Variants in DENND3 observed in about 807,000 individuals in gnomAD.
DENND3 encodes the protein DENN domain containing 3.
DENND3 carries 88 observed loss-of-function variants against 135.1 expected under a neutral mutation model. The ratio of observed to expected loss-of-function variants is 0.65; its 90% CI spans 0.55 to 0.78. DENND3 has a LOEUF of 0.78. Ranked by LOEUF, DENND3 falls within the 30% of genes least tolerant of loss-of-function variation. The pLI is 0.00. For synonymous variants in DENND3, 693 were observed against 712.3 expected, an observed-to-expected ratio of 0.97 and a Z score of 0.43; for missense variants, 1,392 against 1,688.4, an observed-to-expected ratio of 0.82 and a Z score of 3.08.
At chr8:141,189,242 C>A in intron 19 of DENND3, 96 bp downstream of exon 19, 1 of 1,519,862 alleles carries the variant, frequency 6.6e-7, no homozygotes, top group Non-Finnish European at 9.0e-7. Context: ...CCCACAGGGG[C>A]CAGGCGGGGC....
At position 141,128,636 on chromosome 8, in the gene DENND3, C is replaced by T; in HGVS notation, c.-72C>T. 9.8e-7 allele frequency: 1 copy of T among 1,021,900 alleles called. No individual in the cohort carries two copies. Among genetic ancestry groups the T allele is most frequent in the Non-Finnish European group, 1.3e-6 (1 of 797,836 alleles). 63.3% of individuals were successfully genotyped at this position (1,021,900 alleles called of 1,614,324 possible). ...CCGGCCCCCAGGCGGCGCGGCTGGT[C>T]CCCAGGGGTCTGCGGGCGACTGCGC... is the stretch of plus-strand genomic sequence containing the variant. On this transcript the variant is annotated 5_prime_UTR_variant, in exon 1 of 23. Transcript: ENST00000519811. The surrounding 1 kb of genome is among the most constrained non-coding windows in gnomAD (Gnocchi z 4.5).
In DENND3 at chr8:141,175,286, C is replaced by T. The variant is rs142301665; in HGVS notation, c.2362C>T (p.Leu788=). ...GGAAGCAGAAGCCCAGGAGGTCAGT[C>T]TGCCGTGGCTGGTGATGGAACACCT... ...ETEAEAQEVS[L]PWLVMEHLDK... is the part of the protein sequence containing the mutation. Residue 788 remains leucine (L), a synonymous_variant, in exon 14 of 23, where the codon CTG becomes TTG. Coordinates refer to ENST00000519811, the MANE Select transcript of DENND3 (RefSeq NM_001352890.3). This position sits in a 1 kb window ranked among gnomAD's most constrained non-coding sequence, Gnocchi z 5.4. 4 of 1,614,234 alleles carry T rather than the reference C, an allele frequency of 2.5e-6. No individual in the cohort carries two copies. Among genetic ancestry groups the T allele is most frequent in the South Asian group, 2.2e-5 (2 of 91,082 alleles).
intron 16 of DENND3, 113 bp downstream of exon 16, chr8:141,178,309 T>C: frequency 7.0e-7 from 1 of 1,432,714 alleles, no homozygotes; most frequent in South Asian, 1.5e-5. Context: ...TCCCCCAGTT[T>C]TTTCTTTTAT....
At chr8:141,159,896 G>A (rs569459734) in intron 8 of DENND3, among the ~76,000 whole-genome samples, 2 of 152,310 alleles carry the variant, frequency 1.3e-5, no homozygotes, top group South Asian at 2.1e-4. Context: ...CACCCGGGAC[G>A]TTTGTTGCAG....
chr8:141,141,404 C>A lies in DENND3; in HGVS notation c.623+80C>A. Reference sequence around the variant, plus strand: ...CCAGGTGAGCCAAGGGACCAGGGGGCTGGAGGTGGTGGGGGGGCAGCTCTC... The same window carrying A: ...CCAGGTGAGCCAAGGGACCAGGGGGATGGAGGTGGTGGGGGGGCAGCTCTC... On this transcript the variant is annotated intron_variant, in intron 4 of 22. Transcript: ENST00000519811. This position sits in a 1 kb window ranked among gnomAD's most constrained non-coding sequence, Gnocchi z 5.3. 2.4e-6 allele frequency: 3 copies of A among 1,246,816 alleles called. No homozygotes were observed. Among genetic ancestry groups the A allele is most frequent in the South Asian group, 1.9e-5 (1 of 52,224 alleles). 77.2% of individuals were successfully genotyped at this position (1,246,816 alleles called of 1,614,324 possible).
intron 13 of DENND3, chr8:141,173,456 C>G (rs1205709811): frequency 6.6e-6 from 1 of 152,224 alleles, no homozygotes; most frequent in Non-Finnish European, 1.5e-5. Context: ...CCTGCAGGGC[C>G]GGCAGTGCCT....
At position 141,180,257 on chromosome 8, in the gene DENND3, G is replaced by C. The variant is rs7817876; in HGVS notation, c.2837-490G>C. Among the ~76,000 whole-genome samples the C allele has an allele frequency of 3.9e-5, 6 of 152,278 alleles. No homozygotes were observed. The East Asian group carries it at 9.7e-4, about 24-fold the overall frequency. Reference sequence around the variant, plus strand: ...ATGGCACACAGGATGCTGGGCATTCGCCCACAGCCAGGATTATCCAGCCCA... The same window carrying C: ...ATGGCACACAGGATGCTGGGCATTCCCCCACAGCCAGGATTATCCAGCCCA... On this transcript the variant is annotated intron_variant, in intron 16 of 22. Transcript: ENST00000519811.
chr8:141,191,982 A>T, intron 20 of DENND3: 1 of 190,056 alleles, frequency 5.3e-6, no homozygotes, highest in African/African-American at 2.3e-5. Context: ...ATACTGCTTC[A>T]TGGATAGGGT....
In DENND3 at chr8:141,175,884, AAACAT is replaced by A. The variant is rs1355758690; in HGVS notation, c.2535+430_2535+434del. 1 of 229,232 alleles carries A rather than the reference AAACAT, an allele frequency of 4.4e-6. No individual in the cohort carries two copies. The highest frequency in any genetic ancestry group is 1.2e-4 in the East Asian group (1 of 8,688). The allele number at this position is 229,232 out of a possible 1,614,324, so 14.2% of individuals were successfully genotyped here. On this transcript the variant is annotated intron_variant, in intron 14 of 22. Coordinates refer to ENST00000519811, the MANE Select transcript of DENND3 (RefSeq NM_001352890.3). This position sits in a 1 kb window ranked among gnomAD's most constrained non-coding sequence, Gnocchi z 5.4. The stretch of plus-strand genomic sequence containing the variant: ...GTCACAGTCGGACCTGGTTCATATA[AAACAT>A]AACAAGCTTATTTTATAACAATTAA...
Position 141,160,803 on chromosome 8 carries a change from T to C in DENND3, c.1352+16T>C. 6.2e-7 allele frequency: 1 copy of C among 1,600,638 alleles called. No individual in the cohort carries two copies. The highest frequency in any genetic ancestry group is 8.5e-7 in the Non-Finnish European group (1 of 1,169,778). On this transcript the variant is annotated intron_variant, in intron 9 of 22. Transcript: ENST00000519811. Reference sequence around the variant, plus strand: ...GCATCTTCAGGTACGTGAGAGAACATTCCCAGTGTCCATGAGGAGGTAACC... The same window carrying C: ...GCATCTTCAGGTACGTGAGAGAACACTCCCAGTGTCCATGAGGAGGTAACC...
At chr8:141,151,451 CTTGGGAGGCCAAG>C (rs149543188) in intron 6 of DENND3, among the ~76,000 whole-genome samples, 155 bp from the exon 7 acceptor site, 21,612 of 152,020 alleles carry the variant, frequency 0.14, 2,004 homozygotes, top group East Asian at 0.48. Flanking sequence ...GTCCCATCTG[CTTGGGAGGCCAAG>C]GTGGGAGGAT....
chr8:141,186,394 C>T (rs1206744576), intron 18 of DENND3, among the ~76,000 whole-genome samples: 1 of 152,238 alleles, frequency 6.6e-6, no homozygotes, highest in Non-Finnish European at 1.5e-5. Context: ...ACTCGTCACA[C>T]ATTATTCCTC....
In DENND3 at chr8:141,166,048, A is replaced by G. The variant is rs1172619137; in HGVS notation, c.1554-142A>G. On this transcript the variant is annotated intron_variant, in intron 11 of 22. Coordinates refer to ENST00000519811, the MANE Select transcript of DENND3 (RefSeq NM_001352890.3). The surrounding 1 kb of genome is among the most constrained non-coding windows in gnomAD (Gnocchi z 4.3). ...GGCTGCACTTGGTGAGATTTGGGCA[A>G]CATGTTCTTACCAGTCTGTTTTCCA... The G allele has an allele frequency of 9.2e-6, 8 of 869,192 alleles. No homozygotes were observed. The highest frequency in any genetic ancestry group is 1.7e-5 in the African/African-American group (1 of 59,658). The allele number at this position is 869,192 out of a possible 1,614,324, so 53.8% of individuals were successfully genotyped here.
chr8:141,193,053 T>C (rs1029596157), intron 22 of DENND3: 18 of 447,730 alleles, frequency 4.0e-5, no homozygotes, highest in Non-Finnish European at 6.3e-5. Flanking sequence ...GTCCTTGGCG[T>C]GCCCTGGCTG....
rs772459587 is a variant in DENND3, at chr8:141,168,018, C to G, written c.1768C>G (p.Pro590Ala). Reference sequence around the variant, plus strand: ...GAATGTTTTAGTTCTGAATGTCACGCCGAAGTCCCCGTATACATTCAAGAT... The same window carrying G: ...GAATGTTTTAGTTCTGAATGTCACGGCGAAGTCCCCGTATACATTCAAGAT... Reference protein sequence around the residue: ...RGSSAVLNVTPKSPYTFKIPE... With the variant: ...RGSSAVLNVTAKSPYTFKIPE... The change falls in exon 13 of 23, where the codon CCG becomes GCG. Residue 590 changes from proline to alanine, a missense_variant. Coordinates refer to ENST00000519811, the MANE Select transcript of DENND3 (RefSeq NM_001352890.3). The surrounding 1 kb of genome is among the most constrained non-coding windows in gnomAD (Gnocchi z 6.2). 1 of 1,608,786 alleles carries G rather than the reference C, an allele frequency of 6.2e-7. No individual in the cohort carries two copies. Among genetic ancestry groups the G allele is most frequent in the Non-Finnish European group, 8.5e-7 (1 of 1,176,152 alleles).
At position 141,174,455 on chromosome 8, in the gene DENND3, G is replaced by A. The variant is rs979573591; in HGVS notation, c.2276-745G>A. On this transcript the variant is annotated intron_variant, in intron 13 of 22. Transcript: ENST00000519811. The surrounding 1 kb of genome is among the most constrained non-coding windows in gnomAD (Gnocchi z 4.6). ...GGCAGGCTAGGGGCTTGAGTTGGCA[G>A]GACCTGCCGGCAGGGACTTGGGATT... 4.6e-5 allele frequency among the ~76,000 whole-genome samples: 7 copies of A among 152,156 alleles called. No individual in the cohort carries two copies. The highest frequency in any genetic ancestry group is 3.9e-4 in the Admixed American group (6 of 15,288).
At chr8:141,157,246 G>T (rs914358637) in intron 8 of DENND3, 13 of 955,618 alleles carry the variant, frequency 1.4e-5, no homozygotes, top group Non-Finnish European at 1.6e-5. Context: ...CAAAGGCTTG[G>T]CAGGGACTTT....
chr8:141,165,114 G>C, intron 10 of DENND3, 72 bp from the exon 11 acceptor site: 1 of 1,162,426 alleles, frequency 8.6e-7, no homozygotes, highest in Non-Finnish European at 1.3e-6. Flanking sequence ...GTGCCAGGAA[G>C]GCTCAGGGGC....
chr8:141,172,223 C>T lies in DENND3; in HGVS notation c.2276-2977C>T, dbSNP rs557186343. 3.3e-3 allele frequency among the ~76,000 whole-genome samples: 459 copies of T among 139,472 alleles called. 1 individual carries two copies. Among genetic ancestry groups the T allele is most frequent in the African/African-American group, 0.012 (448 of 37,186 alleles). 91.5% of individuals were successfully genotyped at this position (139,472 alleles called of 152,430 possible). A position where few individuals can be genotyped will look rare whatever the true frequency, so the allele number is the denominator to read the frequency against. On this transcript the variant is annotated intron_variant, in intron 13 of 22. Coordinates refer to ENST00000519811, the MANE Select transcript of DENND3 (RefSeq NM_001352890.3). ...GTGCACAGTGGATGTGCACAGTGGC[C>T]GTGGGTGTGCACAGTGTCTGTGGGT...
Sources: allele counts gnomAD v4.1 joint callset (sites outside exome capture counted in the v4.1 genomes callset), GRCh38; gene constraint gnomAD v4.1.1; non-coding constraint Gnocchi (gnomAD v3.1); transcripts MANE v1.5; gene names NCBI Gene and HGNC (gene_info 2026-07-23, HGNC 2026-07-21).